The following SLC24A2 variants were observed in gnomAD, a reference collection of about 807,000 sequenced individuals.
SLC24A2 encodes solute carrier family 24 member 2, also known as sodium/potassium/calcium exchanger 2.
Under a neutral mutation model 62.0 loss-of-function variants are expected in SLC24A2, and 36 were observed. The observed-to-expected ratio is 0.58, with a 90% CI of 0.44 to 0.77. The LOEUF (loss-of-function observed/expected upper bound fraction) is 0.77. Ranked by LOEUF, SLC24A2 falls within the 30% of genes least tolerant of loss-of-function variation. The pLI is 0.00. For missense variants in SLC24A2, 846 were observed against 817.9 expected, an observed-to-expected ratio of 1.03 and a Z score of -0.42; for synonymous variants, 358 against 294.0, an observed-to-expected ratio of 1.22 and a Z score of -2.23.
chr9:20,046,809 C>T, the SLC24A2 span, among the ~76,000 whole-genome samples: 3 of 152,104 alleles, frequency 2.0e-5, no homozygotes, highest in Non-Finnish European at 4.4e-5. Context: ...TTACTTATTG[C>T]CTTTCAATTT....
chr9:19,930,832 T>A, the SLC24A2 span, among the ~76,000 whole-genome samples: 1 of 152,112 alleles, frequency 6.6e-6, no homozygotes, highest in African/African-American at 2.4e-5. Flanking sequence ...AGCTAGAGAG[T>A]GATCAAGCTG....
At chr9:19,685,990 T>A (rs908474897) in intron 2 of SLC24A2, among the ~76,000 whole-genome samples, 1 of 151,962 alleles carries the variant, frequency 6.6e-6, no homozygotes, top group Admixed American at 6.6e-5. Context: ...ACAACCTACA[T>A]AATGGGAAAA....
the SLC24A2 span, among the ~76,000 whole-genome samples, chr9:20,205,304 T>C: frequency 1.3e-5 from 2 of 152,108 alleles, no homozygotes; most frequent in African/African-American, 4.8e-5. Context: ...GCTGAACTAC[T>C]CAATCTTTTC....
chr9:19,901,666 T>A, the SLC24A2 span, among the ~76,000 whole-genome samples: 1 of 152,218 alleles, frequency 6.6e-6, no homozygotes, highest in Non-Finnish European at 1.5e-5. Context: ...GACTTAATAT[T>A]GTAGTATCTA....
intron 8 of SLC24A2, among the ~76,000 whole-genome samples, chr9:19,535,745 G>A (rs1833932584): frequency 6.6e-6 from 1 of 152,010 alleles, no homozygotes; most frequent in African/African-American, 2.4e-5. Flanking sequence ...ATGCTGTTTT[G>A]GTTACGGTAG....
chr9:19,692,650 C>A (rs1470903331), intron 2 of SLC24A2, among the ~76,000 whole-genome samples: 1 of 152,050 alleles, frequency 6.6e-6, no homozygotes, highest in African/African-American at 2.4e-5. Flanking sequence ...TTCACTCAGC[C>A]TGCTTTATTT....
At chr9:20,215,905 T>C in the SLC24A2 span, among the ~76,000 whole-genome samples, 4 of 152,308 alleles carry the variant, frequency 2.6e-5, no homozygotes, top group East Asian at 5.8e-4. Context: ...CGTCTCATGC[T>C]AGTTCCCAAT....
At chr9:20,093,434 T>C in the SLC24A2 span, among the ~76,000 whole-genome samples, 29 of 152,182 alleles carry the variant, frequency 1.9e-4, no homozygotes, top group South Asian at 4.1e-4. Flanking sequence ...AGTTACTCTT[T>C]TTTGTCTGTC....
chr9:20,297,229 C>T, the SLC24A2 span, among the ~76,000 whole-genome samples: 1 of 152,146 alleles, frequency 6.6e-6, no homozygotes. Flanking sequence ...TGCTACTGTG[C>T]TCCAGGAAAA....
intron 2 of SLC24A2, among the ~76,000 whole-genome samples, chr9:19,742,159 G>A (rs1017402838): frequency 6.6e-6 from 1 of 152,142 alleles, no homozygotes; most frequent in Non-Finnish European, 1.5e-5. Context: ...GATGTCATAA[G>A]CATATGAAAG....
intron 8 of SLC24A2, among the ~76,000 whole-genome samples, chr9:19,543,391 ATT>A (rs145894518): frequency 6.2e-5 from 9 of 145,150 alleles, no homozygotes; most frequent in African/African-American, 2.0e-4. Context: ...GGATTCATTG[ATT>A]TTTTTTTTTT....
chr9:19,529,289 T>A (rs1833584686), intron 8 of SLC24A2, among the ~76,000 whole-genome samples: 2 of 152,210 alleles, frequency 1.3e-5, no homozygotes, highest in African/African-American at 4.8e-5. Context: ...CAGAACACGT[T>A]CTGTCATGGC....
chr9:20,233,885 T>A, the SLC24A2 span, among the ~76,000 whole-genome samples: 1 of 152,218 alleles, frequency 6.6e-6, no homozygotes, highest in African/African-American at 2.4e-5. Context: ...TTTCCATGTT[T>A]AATGCTTCCT....
At chr9:20,169,169 T>C in the SLC24A2 span, among the ~76,000 whole-genome samples, 1 of 151,918 alleles carries the variant, frequency 6.6e-6, no homozygotes, top group Non-Finnish European at 1.5e-5. Context: ...ATAGACAAAG[T>C]AGAATTAGAG....
chr9:19,669,711 T>C (rs1819361211), intron 2 of SLC24A2, among the ~76,000 whole-genome samples: 1 of 152,214 alleles, frequency 6.6e-6, no homozygotes, highest in African/African-American at 2.4e-5. Context: ...GAGACCTTTT[T>C]CCACAGAATC....
At chr9:19,836,696 GAA>G in the SLC24A2 span, among the ~76,000 whole-genome samples, 1 of 152,114 alleles carries the variant, frequency 6.6e-6, no homozygotes, top group East Asian at 1.9e-4. Flanking sequence ...CCAATCAACA[GAA>G]AAAGAGGGAA....
At chr9:19,627,679 T>C (rs958135383) in intron 2 of SLC24A2, among the ~76,000 whole-genome samples, 1 of 152,080 alleles carries the variant, frequency 6.6e-6, no homozygotes, top group African/African-American at 2.4e-5. Context: ...GAAAGCACTA[T>C]GATGCCCAGA....
At chr9:19,837,529 A>C in the SLC24A2 span, among the ~76,000 whole-genome samples, 1 of 140,170 alleles carries the variant, frequency 7.1e-6, no homozygotes, top group Non-Finnish European at 1.5e-5. Flanking sequence ...GCCTTCCCTC[A>C]CCACTCCTAT....
chr9:20,057,213 T>G, the SLC24A2 span, among the ~76,000 whole-genome samples: 32 of 152,356 alleles, frequency 2.1e-4, no homozygotes, highest in African/African-American at 7.0e-4. Flanking sequence ...TCCCTATAAC[T>G]ATCACTTTTT....
Sources: allele counts gnomAD v4.1 joint callset (sites outside exome capture counted in the v4.1 genomes callset), GRCh38; gene constraint gnomAD v4.1.1; transcripts MANE v1.5; gene names NCBI Gene and HGNC (gene_info 2026-07-23, HGNC 2026-07-21).